ARL10: variants seen among roughly 807,000 people sequenced by gnomAD.
ARL10 encodes ARF like GTPase 10.
A neutral mutation model predicts 26.1 loss-of-function variants in ARL10; 23 were observed. The ratio of observed to expected loss-of-function variants is 0.88; its 90% confidence interval spans 0.63 to 1.25. The LOEUF (loss-of-function observed/expected upper bound fraction) is 1.25, where lower values mean the gene tolerates loss of function less well. ARL10 is among the 50% of genes most tolerant of loss of function. The pLI is 0.00. For missense variants in ARL10, 300 were observed against 323.6 expected (o/e 0.93, Z 0.56); for synonymous variants, 138 against 149.1 (o/e 0.93, Z 0.54).
At chr5:176,392,656 G>A, downstream of ARL10, 1 of 1,202,254 alleles carries the variant, frequency 8.3e-7, no homozygotes, top group East Asian at 2.4e-5. The surrounding 1 kb of genome is among the most constrained non-coding windows in gnomAD (Gnocchi z 5.2). Flanking sequence ...CTGGAGATGG[G>A]GAGGAGTGGA....
chr5:176,385,382 CT>C, downstream of ARL10: 1 of 1,083,266 alleles, frequency 9.2e-7, no homozygotes, highest in Non-Finnish European at 1.4e-6. Flanking sequence ...TTTCTGTGCT[CT>C]TTGAGCTGTC....
At position 176,365,966 on chromosome 5, in the gene ARL10, G is replaced by C. The variant is rs546950058; in HGVS notation, c.183+220G>C. ...GCTTGGGTGCGTGCGGCGCCTTGGCGCCACGCCGTCGCTCCACGCCATGAG... is the reference window on the plus strand; with the variant it reads ...GCTTGGGTGCGTGCGGCGCCTTGGCCCCACGCCGTCGCTCCACGCCATGAG... On this transcript the variant is annotated intron_variant, in intron 1 of 3. Coordinates refer to ENST00000310389, the MANE Select transcript of ARL10 (RefSeq NM_173664.6). Among the ~76,000 whole-genome samples the C allele has an allele frequency of 6.6e-5, 10 of 152,298 alleles. No homozygotes were observed. In the South Asian group the frequency reaches 2.1e-3, roughly 32 times the overall value.
chr5:176,395,484 T>G (rs1276605908), intron 1 of ARL10, among the ~76,000 whole-genome samples: 1 of 152,142 alleles, frequency 6.6e-6, no homozygotes, highest in Admixed American at 6.5e-5. Flanking sequence ...CTGTGCCCTG[T>G]GAGAGGAGGC....
downstream of ARL10, chr5:176,392,610 C>T (rs1208295884): frequency 3.0e-5 from 21 of 697,940 alleles, no homozygotes; most frequent in South Asian, 3.1e-4. This position sits in a 1 kb window ranked among gnomAD's most constrained non-coding sequence, Gnocchi z 5.2. Context: ...CAGGAGGGAG[C>T]GAGGCGTGAT....
downstream of ARL10, chr5:176,393,069 G>A (rs1310474052): frequency 9.3e-7 from 1 of 1,073,486 alleles, no homozygotes; most frequent in African/African-American, 1.6e-5. The surrounding 1 kb of genome is among the most constrained non-coding windows in gnomAD (Gnocchi z 4.4). Flanking sequence ...GTGCCCCCCT[G>A]ACTTCAGAGG....
At chr5:176,371,314 T>C (rs996182122) in intron 3 of ARL10, among the ~76,000 whole-genome samples, 14 of 152,030 alleles carry the variant, frequency 9.2e-5, no homozygotes, top group Admixed American at 2.0e-4. Context: ...CCACAGGAGG[T>C]GGAGGTTGCA....
In ARL10 at chr5:176,377,499, A is replaced by G. The variant is rs1768717016; in HGVS notation, c.*5604A>G. 1 of 152,224 alleles carries G rather than the reference A, an allele frequency of 6.6e-6. No individual in the cohort carries two copies. The highest frequency in any genetic ancestry group is 1.5e-5 in the Non-Finnish European group (1 of 68,034). The allele number at this position is 152,224 out of a possible 1,614,324, so 9.4% of individuals were successfully genotyped here. On this transcript the variant is annotated 3_prime_UTR_variant, in exon 4 of 4. Coordinates refer to ENST00000310389, the MANE Select transcript of ARL10 (RefSeq NM_173664.6). This position sits in a 1 kb window ranked among gnomAD's most constrained non-coding sequence, Gnocchi z 4.5. ...TCCTACACAGGAAAGCTTCTATCCA[A>G]CCAGAAAACATGCCAACTATTACAA... is the stretch of plus-strand genomic sequence containing the variant.
Position 176,376,573 on chromosome 5 carries a change from AGAAAG to A in ARL10, c.*4680_*4684del, listed in dbSNP as rs1405377395. The A allele has an allele frequency of 6.6e-6, 1 of 152,250 alleles. No individual in the cohort carries two copies. Among genetic ancestry groups the A allele is most frequent in the African/African-American group, 2.4e-5 (1 of 41,472 alleles). 9.4% of individuals were successfully genotyped at this position (152,250 alleles called of 1,614,324 possible). A position where few individuals can be genotyped will look rare whatever the true frequency, so the allele number is the denominator to read the frequency against. The stretch of plus-strand genomic sequence containing the variant: ...TATGGTCCCACGGATTTTCCCATAA[AGAAAG>A]GGAAAGGATTTGCGGACAGAAAATA... On this transcript the variant is annotated 3_prime_UTR_variant, in exon 4 of 4. Transcript: ENST00000310389.
chr5:176,397,434 C>T (rs1174177187), intron 1 of ARL10, among the ~76,000 whole-genome samples: 1 of 145,950 alleles, frequency 6.9e-6, no homozygotes, highest in Non-Finnish European at 1.5e-5. Flanking sequence ...ACAGCTCCCT[C>T]ATGTCCCCAC....
Position 176,371,983 on chromosome 5 carries a change from C to T in ARL10, c.*88C>T. The T allele has an allele frequency of 6.6e-7, 1 of 1,511,424 alleles. No individual in the cohort carries two copies. Among genetic ancestry groups the T allele is most frequent in the Non-Finnish European group, 8.9e-7 (1 of 1,128,000 alleles). The allele number at this position is 1,511,424 out of a possible 1,614,324, so 93.6% of individuals were successfully genotyped here. ...TGCCAGACTGGGCCTGGGGCAAGAG[C>T]CACATGGCAGCATTTCCCTTTTCCC... is the stretch of plus-strand genomic sequence containing the variant. On this transcript the variant is annotated 3_prime_UTR_variant, in exon 4 of 4. Coordinates refer to ENST00000310389, the MANE Select transcript of ARL10 (RefSeq NM_173664.6).
the ARL10 span, among the ~76,000 whole-genome samples, chr5:176,413,174 G>C: frequency 6.6e-6 from 1 of 151,964 alleles, no homozygotes; most frequent in Non-Finnish European, 1.5e-5. Flanking sequence ...CTACCACCGG[G>C]AGTCCACACT....
At chr5:176,396,583 A>G (rs1441550796) in intron 1 of ARL10, 1 of 1,347,712 alleles carries the variant, frequency 7.4e-7, no homozygotes, top group Non-Finnish European at 1.1e-6. Flanking sequence ...GCAGATGGCA[A>G]GACAGACAGG....
At chr5:176,389,392 C>T (rs1419633356), downstream of ARL10, 4 of 1,614,064 alleles carry the variant, frequency 2.5e-6, no homozygotes, top group Non-Finnish European at 3.4e-6. Context: ...GGGGCAACAG[C>T]CAGCGCTCTC....
chr5:176,383,881 T>G (rs1581402082), downstream of ARL10: 1 of 1,215,860 alleles, frequency 8.2e-7, no homozygotes, highest in Non-Finnish European at 1.1e-6. Context: ...CCGGTAGAGG[T>G]GGTTTTCACC....
chr5:176,401,416 A>T (rs1756810111), intron 1 of ARL10, among the ~76,000 whole-genome samples: 1 of 152,246 alleles, frequency 6.6e-6, no homozygotes, highest in African/African-American at 2.4e-5. Context: ...GCAAACATGT[A>T]CTGAGCCCTT....
chr5:176,386,279 A>G, downstream of ARL10: 1 of 182,044 alleles, frequency 5.5e-6, no homozygotes. Context: ...AACCACTGAG[A>G]TAAAAGACAG....
Position 176,372,160 on chromosome 5 carries a change from C to T in ARL10, c.*265C>T. 2.5e-6 allele frequency: 3 copies of T among 1,188,320 alleles called. No homozygotes were observed. The highest frequency in any genetic ancestry group is 3.3e-6 in the Non-Finnish European group (3 of 905,974). 73.6% of individuals were successfully genotyped at this position (1,188,320 alleles called of 1,614,324 possible). The stretch of plus-strand genomic sequence containing the variant: ...GCTCATTCCAGGCTGGAATGTGGAT[C>T]CAGCTTTCCCTTCTCTTACCTGTAC... On this transcript the variant is annotated 3_prime_UTR_variant, in exon 4 of 4. Transcript: ENST00000310389.
rs369343069 is a variant in ARL10 at position 176,368,846 on chromosome 5, T to C, written c.425T>C (p.Phe142Ser). The C allele has an allele frequency of 1.1e-5, 17 of 1,613,810 alleles. No individual in the cohort carries two copies. The highest frequency in any genetic ancestry group is 1.3e-5 in the Non-Finnish European group (15 of 1,179,940). ...AACCTGCGCTTCTACTGGAAGGAGTTTGTGAGCGAGGTGGATGTGCTGGTG... is the reference window on the plus strand; with the variant it reads ...AACCTGCGCTTCTACTGGAAGGAGTCTGTGAGCGAGGTGGATGTGCTGGTG... ...SQNLRFYWKE[F>S]VSEVDVLVFV... Residue 142 changes from phenylalanine (F) to serine (S), a missense_variant, in exon 3 of 4, where the codon TTT becomes TCT. Coordinates refer to ENST00000310389, the MANE Select transcript of ARL10 (RefSeq NM_173664.6). The surrounding 1 kb of genome is among the most constrained non-coding windows in gnomAD (Gnocchi z 4.1).
At chr5:176,394,573 T>G (rs1756413745) in intron 1 of ARL10, among the ~76,000 whole-genome samples, 1 of 151,492 alleles carries the variant, frequency 6.6e-6, no homozygotes, top group Admixed American at 6.6e-5. Flanking sequence ...ATCCCAGCAC[T>G]TTGGGAGGCC....
Sources: gnomAD v4.1 joint callset for allele counts (sites outside exome capture counted in the v4.1 genomes callset) on GRCh38, gnomAD v4.1.1 for gene constraint, Gnocchi (gnomAD v3.1) non-coding constraint, MANE v1.5 for transcripts, NCBI Gene and HGNC (gene_info 2026-07-23, HGNC 2026-07-21) for gene names.